The following ARSG variants were observed in gnomAD, a reference collection of about 807,000 sequenced individuals.
ARSG encodes the protein ASG.
ARSG carries 37 observed loss-of-function variants against 50.5 expected under a neutral mutation model. That is an observed-to-expected ratio of 0.73 (90% CI 0.56 to 0.96). The LOEUF (loss-of-function observed/expected upper bound fraction) is 0.96. Among genes scored for constraint, ARSG ranks in the 50% least tolerant of loss-of-function variants. The pLI is 0.00. For synonymous variants in ARSG, 225 were observed against 254.6 expected, an observed-to-expected ratio of 0.88 and a Z score of 1.11; for missense variants, 629 against 675.3, an observed-to-expected ratio of 0.93 and a Z score of 0.76.
intron 8 of ARSG, among the ~76,000 whole-genome samples, chr17:68,380,729 G>T (rs944791542): frequency 6.6e-6 from 1 of 152,184 alleles, no homozygotes; most frequent in Non-Finnish European, 1.5e-5. Flanking sequence ...TTTTGGGAGA[G>T]TCAGAGGTTA....
chr17:68,346,858 G>C (rs1014677071), intron 3 of ARSG: 1 of 1,406,902 alleles, frequency 7.1e-7, no homozygotes, highest in African/African-American at 1.4e-5. Context: ...AGAGGCTCAG[G>C]CTTCTCCGGG....
chr17:68,339,896 A>C (rs774722908), intron 2 of ARSG, among the ~76,000 whole-genome samples: 2 of 152,150 alleles, frequency 1.3e-5, no homozygotes, highest in Non-Finnish European at 2.9e-5. Flanking sequence ...CGCGGTTGAC[A>C]CTCTGAACAA....
chr17:68,334,439 A>G (rs1210863570), intron 2 of ARSG, among the ~76,000 whole-genome samples: 2 of 152,174 alleles, frequency 1.3e-5, no homozygotes, highest in African/African-American at 2.4e-5. Flanking sequence ...TGGAGACTTC[A>G]TAGTGAACCA....
chr17:68,373,386 C>T (rs186294509), intron 8 of ARSG, among the ~76,000 whole-genome samples: 158 of 151,386 alleles, frequency 1.0e-3, no homozygotes, highest in South Asian at 2.7e-3. Flanking sequence ...CCCACCACCA[C>T]ACCTGGCTGA....
intron 1 of ARSG, among the ~76,000 whole-genome samples, chr17:68,265,753 G>GTT (rs56355626): frequency 5.2e-5 from 7 of 134,278 alleles, no homozygotes; most frequent in African/African-American, 1.4e-4. Flanking sequence ...AGTGTGTGTT[G>GTT]TTTTTTTTTT....
intron 2 of ARSG, among the ~76,000 whole-genome samples, chr17:68,310,093 C>T (rs989256624): frequency 7.9e-5 from 12 of 151,808 alleles, no homozygotes; most frequent in African/African-American, 2.9e-4. Flanking sequence ...CCTGCCTCAG[C>T]CTCCCGAGTA....
chr17:68,272,467 T>C (rs2075372848), intron 1 of ARSG, among the ~76,000 whole-genome samples: 1 of 152,010 alleles, frequency 6.6e-6, no homozygotes. Context: ...ATACCTAAAG[T>C]GGGGGTTAGG....
chr17:68,288,130 G>A (rs2075885969), upstream of ARSG, among the ~76,000 whole-genome samples: 1 of 151,250 alleles, frequency 6.6e-6, no homozygotes, highest in Non-Finnish European at 1.5e-5. Context: ...CTGAGTAGTT[G>A]GGATTAAAGG....
At chr17:68,392,403 A>G (rs1460487387) in intron 9 of ARSG, among the ~76,000 whole-genome samples, 4 of 152,184 alleles carry the variant, frequency 2.6e-5, no homozygotes, top group Non-Finnish European at 4.4e-5. Flanking sequence ...AATATGAACA[A>G]TGGCTGCCTT....
At chr17:68,379,831 A>G in intron 8 of ARSG, 1 of 985,320 alleles carries the variant, frequency 1.0e-6, no homozygotes, top group Non-Finnish European at 1.2e-6. Context: ...GATCTCTGCT[A>G]TTTTCTCCCT....
chr17:68,425,089 C>T (rs1375956160), downstream of ARSG, among the ~76,000 whole-genome samples: 1 of 152,210 alleles, frequency 6.6e-6, no homozygotes, highest in African/African-American at 2.4e-5. Context: ...AGCACTCAGC[C>T]AGCCCCGAGG....
chr17:68,346,029 C>T (rs974600665), intron 3 of ARSG, among the ~76,000 whole-genome samples: 2 of 152,082 alleles, frequency 1.3e-5, no homozygotes, highest in Non-Finnish European at 2.9e-5. Context: ...GCGTGCACCA[C>T]CACACCCAGC....
At chr17:68,291,592 C>G (rs1301467483) in intron 1 of ARSG, 24 bp downstream of exon 1, 1 of 151,354 alleles carries the variant, frequency 6.6e-6, no homozygotes, top group Non-Finnish European at 1.5e-5. Context: ...GGTCCGGGGC[C>G]GGGCCGCCCC....
chr17:68,310,004 G>A (rs933329132), intron 2 of ARSG, among the ~76,000 whole-genome samples: 1 of 148,686 alleles, frequency 6.7e-6, no homozygotes, highest in Non-Finnish European at 1.5e-5. Flanking sequence ...ATGGAGTTCC[G>A]CTCTTGTTGC....
chr17:68,327,076 CTT>C (rs2077535158), intron 2 of ARSG, among the ~76,000 whole-genome samples: 1 of 151,974 alleles, frequency 6.6e-6, no homozygotes, highest in Non-Finnish European at 1.5e-5. Context: ...TAAGGAAAGA[CTT>C]TGTGATAATA....
At chr17:68,405,037 A>G (rs770536000) in intron 11 of ARSG, among the ~76,000 whole-genome samples, 9 of 150,212 alleles carry the variant, frequency 6.0e-5, no homozygotes, top group Non-Finnish European at 1.3e-4. Context: ...TTCATTAGTT[A>G]TATGTCTATG....
intron 8 of ARSG, among the ~76,000 whole-genome samples, chr17:68,375,823 T>C (rs1217622693): frequency 6.6e-6 from 1 of 152,038 alleles, no homozygotes; most frequent in Non-Finnish European, 1.5e-5. Context: ...AGTCTGGAGT[T>C]TGTGGCGACC....
At chr17:68,313,774 G>A (rs1313408519) in intron 2 of ARSG, among the ~76,000 whole-genome samples, 1 of 149,966 alleles carries the variant, frequency 6.7e-6, no homozygotes, top group Admixed American at 6.8e-5. Flanking sequence ...CCGCCTCCGG[G>A]TTCAAGCGAT....
intron 11 of ARSG, among the ~76,000 whole-genome samples, chr17:68,406,173 A>G (rs766614022): frequency 4.4e-4 from 67 of 152,352 alleles, no homozygotes; most frequent in Middle Eastern, 3.4e-3. Flanking sequence ...TACTTCACTT[A>G]GAATAATAGC....
Sources: allele counts gnomAD v4.1 joint callset (sites outside exome capture counted in the v4.1 genomes callset), GRCh38; gene constraint gnomAD v4.1.1; transcripts MANE v1.5; gene names NCBI Gene and HGNC (gene_info 2026-07-23, HGNC 2026-07-21).